The following CRHR2 variants were observed in gnomAD, a reference collection of about 807,000 sequenced individuals.
The protein encoded by CRHR2 is corticotropin releasing hormone receptor 2.
CRHR2 carries 53 observed loss-of-function variants against 57.9 expected under a neutral mutation model. That is an observed-to-expected ratio of 0.92 (90% confidence interval 0.73 to 1.15). The LOEUF is 1.15. Among genes scored for constraint, CRHR2 ranks in the 50% most tolerant of loss-of-function variants. The probability of loss-of-function intolerance (pLI) is 0.00; values close to 1 mark genes in which losing one functional copy is unlikely to be tolerated. For missense variants in CRHR2, 532 were observed against 542.6 expected (o/e 0.98, Z 0.19); for synonymous variants, 213 against 220.9 (o/e 0.96, Z 0.32).
chr7:30,689,082 C>T, intron 2 of CRHR2: 1 of 978,228 alleles, frequency 1.0e-6, no homozygotes, highest in Non-Finnish European at 1.6e-6. Flanking sequence ...ACCAGCACCC[C>T]ACCCACCACC....
At position 30,662,359 on chromosome 7, in the gene CRHR2, G is replaced by C. The variant is rs923063195; in HGVS notation, c.698-143C>G. On this transcript the variant is annotated intron_variant, in intron 6 of 11. Coordinates refer to ENST00000471646, the MANE Select transcript of CRHR2 (RefSeq NM_001883.5). ...CCACCCACAACCCCAGGGGTGCCCTGTCCCTCAACACCTGGCCCATGCCCC... is the reference window on the plus strand; with the variant it reads ...CCACCCACAACCCCAGGGGTGCCCTCTCCCTCAACACCTGGCCCATGCCCC... The C allele has an allele frequency of 3.0e-5, 28 of 937,634 alleles. No homozygotes were observed. The African/African-American group carries it at 3.8e-4, about 13-fold the overall frequency. The allele number at this position is 937,634 out of a possible 1,614,324, so 58.1% of individuals were successfully genotyped here. A position where few individuals can be genotyped will look rare whatever the true frequency, so the allele number is the denominator to read the frequency against.
intron 7 of CRHR2, 126 bp downstream of exon 7, chr7:30,662,030 G>T: frequency 2.1e-6 from 2 of 940,636 alleles, no homozygotes; most frequent in South Asian, 1.7e-5. Flanking sequence ...AGGACAACAG[G>T]AACGTGGATC....
In CRHR2 at chr7:30,699,943, C is replaced by T. The variant is rs965231225; in HGVS notation, c.-261+1G>A. 102 of 1,507,414 alleles carry T rather than the reference C, an allele frequency of 6.8e-5. No homozygotes were observed. In the East Asian group the frequency reaches 2.2e-3, roughly 32 times the overall value. The allele number at this position is 1,507,414 out of a possible 1,614,324, so 93.4% of individuals were successfully genotyped here. A position where few individuals can be genotyped will look rare whatever the true frequency, so the allele number is the denominator to read the frequency against. ...CGTGGACTCCCACTCCCTGCACTTA[C>T]GTATTGGAGCGGCGGTGGGAGGAGG... On this transcript the variant is annotated splice_donor_variant, in intron 1 of 13. Coordinates refer to the CRHR2 transcript ENST00000341843. LOFTEE classifies it low-confidence loss of function (5UTR_SPLICE).
Position 30,660,522 on chromosome 7 carries a change from C to T in CRHR2, c.831+51G>A, listed in dbSNP as rs777381585. The stretch of plus-strand genomic sequence containing the variant: ...CAGCGTCTCTGCCTGGGTGGGCCCT[C>T]TTCTGTCCTCTTGGCACCCAGCCCC... On this transcript the variant is annotated intron_variant, in intron 8 of 11. Transcript: ENST00000471646. The T allele has an allele frequency of 5.7e-5, 88 of 1,538,266 alleles. 1 individual carries two copies. Among genetic ancestry groups the T allele is most frequent in the Middle Eastern group, 5.1e-4 (3 of 5,880 alleles).
intron 2 of CRHR2, 117 bp from the exon 3 acceptor site, chr7:30,667,430 T>C (rs1413172062): frequency 2.8e-6 from 2 of 720,792 alleles, no homozygotes; most frequent in East Asian, 5.3e-5. Context: ...GGGCAGCAAA[T>C]ACAATGTGCA....
chr7:30,671,308 A>G (rs1784344305), intron 2 of CRHR2, among the ~76,000 whole-genome samples: 1 of 152,132 alleles, frequency 6.6e-6, no homozygotes, highest in South Asian at 2.1e-4. Flanking sequence ...ATCACCATCA[A>G]ATGGTTGGCA....
At chr7:30,682,956 G>A (rs987123571), upstream of CRHR2, among the ~76,000 whole-genome samples, 1 of 152,232 alleles carries the variant, frequency 6.6e-6, no homozygotes, top group African/African-American at 2.4e-5. Flanking sequence ...AGGCCTGGAG[G>A]GAAGCAGGGA....
At chr7:30,691,249 G>A (rs1308311585) in intron 1 of CRHR2, among the ~76,000 whole-genome samples, 1 of 152,196 alleles carries the variant, frequency 6.6e-6, no homozygotes, top group African/African-American at 2.4e-5. Context: ...AGCTAGTAAT[G>A]CCCTCTGTGG....
At chr7:30,671,802 GTGATGATGATGATGATGATGATGA>G (rs10577644) in intron 2 of CRHR2, among the ~76,000 whole-genome samples, 1 of 143,866 alleles carries the variant, frequency 7.0e-6, no homozygotes, top group Non-Finnish European at 1.5e-5. Context: ...GTGAGACCCT[GTGATGATGATGATGATGATGATGA>G]TGATGATGAT....
chr7:30,672,985 C>T (rs1437622809), intron 2 of CRHR2, among the ~76,000 whole-genome samples: 1 of 152,190 alleles, frequency 6.6e-6, no homozygotes, highest in Non-Finnish European at 1.5e-5. Context: ...ACAGACTCTC[C>T]CTGTGACCCT....
chr7:30,676,876 CTAGG>C (rs1784533969), intron 2 of CRHR2, among the ~76,000 whole-genome samples: 1 of 152,212 alleles, frequency 6.6e-6, no homozygotes, highest in Non-Finnish European at 1.5e-5. Context: ...CCCCATGTGG[CTAGG>C]TTAGATGGGA....
In CRHR2 at chr7:30,665,238, C is replaced by G. The variant is rs770131785; in HGVS notation, c.426-51G>C. The G allele has an allele frequency of 4.0e-6, 6 of 1,509,504 alleles. No individual in the cohort carries two copies. The Admixed American group carries it at 6.7e-5, about 17-fold the overall frequency. The allele number at this position is 1,509,504 out of a possible 1,614,324, so 93.5% of individuals were successfully genotyped here. A position where few individuals can be genotyped will look rare whatever the true frequency, so the allele number is the denominator to read the frequency against. ...AGCCAGGTTCAGGGGTCAACTGGGA[C>G]TGGGTTCCCCCTGAGGCCAGGTAGA... On this transcript the variant is annotated intron_variant, in intron 4 of 11. Transcript: ENST00000471646. The surrounding 1 kb of genome is among the most constrained non-coding windows in gnomAD (Gnocchi z 4.5).
At chr7:30,682,501 G>A (rs1584130582), upstream of CRHR2, 1 of 1,283,064 alleles carries the variant, frequency 7.8e-7, no homozygotes, top group Non-Finnish European at 9.8e-7. Flanking sequence ...GGAGCTGCGG[G>A]TACAGCCGCT....
At chr7:30,657,358 G>T (rs1318114279) in intron 8 of CRHR2, among the ~76,000 whole-genome samples, 2 of 152,116 alleles carry the variant, frequency 1.3e-5, no homozygotes, top group African/African-American at 4.8e-5. Context: ...ATGGCCTGGG[G>T]GTCCCAGGGA....
Position 30,692,715 on chromosome 7 carries a change from T to C in CRHR2, c.-260-3431A>G, listed in dbSNP as rs528833174. Among the ~76,000 whole-genome samples the C allele has an allele frequency of 5.3e-5, 8 of 152,268 alleles. No individual in the cohort carries two copies. The East Asian group carries it at 1.5e-3, about 29-fold the overall frequency. On this transcript the variant is annotated intron_variant, in intron 1 of 13. Coordinates refer to the CRHR2 transcript ENST00000341843. ...CACGTGAAGTCAGCACTTACTCTAG[T>C]GCTAGACCTGCCTCTAAATGCCCTA...
chr7:30,659,924 G>GTCTT (rs1418525600), intron 8 of CRHR2, among the ~76,000 whole-genome samples: 1 of 152,122 alleles, frequency 6.6e-6, no homozygotes, highest in Admixed American at 6.5e-5. Flanking sequence ...TTTTTTGTAT[G>GTCTT]TCTTTCTTTC....
chr7:30,661,543 T>C (rs891834447), intron 7 of CRHR2, among the ~76,000 whole-genome samples: 4 of 152,214 alleles, frequency 2.6e-5, no homozygotes, highest in African/African-American at 9.7e-5. Flanking sequence ...CTCCAGGCTC[T>C]GAGACAGACC....
intron 1 of CRHR2, among the ~76,000 whole-genome samples, chr7:30,696,416 A>G (rs547719081): frequency 6.6e-6 from 1 of 152,314 alleles, no homozygotes; most frequent in East Asian, 1.9e-4. Flanking sequence ...CTATGTACCC[A>G]CAAAAATTAA....
chr7:30,692,563 G>C (rs563845448), intron 1 of CRHR2, among the ~76,000 whole-genome samples: 1 of 152,312 alleles, frequency 6.6e-6, no homozygotes, highest in East Asian at 1.9e-4. Context: ...AAGTGACCCA[G>C]GTAGAAGCTG....
Sources: allele counts gnomAD v4.1 joint callset (sites outside exome capture counted in the v4.1 genomes callset), GRCh38; gene constraint gnomAD v4.1.1; non-coding constraint Gnocchi (gnomAD v3.1); transcripts MANE v1.5; gene names NCBI Gene and HGNC (gene_info 2026-07-23, HGNC 2026-07-21).